The following KCNH8 variants were observed in gnomAD, a reference collection of about 807,000 sequenced individuals.
KCNH8 encodes the protein potassium voltage-gated channel subfamily H member 8, also known as voltage-gated delayed rectifier potassium channel KCNH8.
A neutral mutation model predicts 103.6 loss-of-function variants in KCNH8; 70 were observed. The observed-to-expected ratio is 0.68, with a 90% CI of 0.56 to 0.82. The LOEUF (loss-of-function observed/expected upper bound fraction) is 0.82. Among genes scored for constraint, KCNH8 ranks in the 40% least tolerant of loss-of-function variants. The probability of loss-of-function intolerance (pLI) is 0.00; values close to 1 mark genes in which losing one functional copy is unlikely to be tolerated. For synonymous variants in KCNH8, 498 were observed against 489.4 expected, an observed-to-expected ratio of 1.02 and a Z score of -0.23; for missense variants, 1,217 against 1,329.9, an observed-to-expected ratio of 0.92 and a Z score of 1.32.
At chr3:19,201,467 T>C (rs1177089764) in intron 1 of KCNH8, among the ~76,000 whole-genome samples, 1 of 152,008 alleles carries the variant, frequency 6.6e-6, no homozygotes. Context: ...GGATGCTGTA[T>C]GTCCGTTTTA....
At chr3:19,369,985 A>G (rs993611086) in intron 5 of KCNH8, among the ~76,000 whole-genome samples, 1 of 152,018 alleles carries the variant, frequency 6.6e-6, no homozygotes, top group Non-Finnish European at 1.5e-5. Context: ...TGTTTTAATA[A>G]AGTGTATGCC....
chr3:19,420,583 A>G (rs1233667290), intron 7 of KCNH8, among the ~76,000 whole-genome samples: 6 of 152,228 alleles, frequency 3.9e-5, no homozygotes, highest in Admixed American at 1.3e-4. Flanking sequence ...CTGAAATGGT[A>G]TATTTTGGAA....
intron 3 of KCNH8, among the ~76,000 whole-genome samples, chr3:19,297,065 T>C (rs895592697): frequency 6.6e-6 from 1 of 152,088 alleles, no homozygotes; most frequent in African/African-American, 2.4e-5. Context: ...TAGAGTACAG[T>C]ATGAGATAGA....
intron 11 of KCNH8, among the ~76,000 whole-genome samples, chr3:19,497,172 T>A (rs1240466381): frequency 6.6e-6 from 1 of 152,158 alleles, no homozygotes; most frequent in Non-Finnish European, 1.5e-5. Flanking sequence ...TAATGGTCTG[T>A]CGTATTAATT....
intron 1 of KCNH8, among the ~76,000 whole-genome samples, chr3:19,197,917 C>A (rs1362937077): frequency 6.6e-6 from 1 of 151,794 alleles, no homozygotes; most frequent in Non-Finnish European, 1.5e-5. Context: ...AAATCTGATG[C>A]GTAATCACTG....
intron 11 of KCNH8, among the ~76,000 whole-genome samples, chr3:19,477,045 TTATA>T (rs1052463324): frequency 2.6e-5 from 4 of 152,178 alleles, no homozygotes; most frequent in African/African-American, 9.6e-5. Context: ...GGCCATTTCT[TTATA>T]TAAAGTATTC....
intron 1 of KCNH8, among the ~76,000 whole-genome samples, chr3:19,221,743 A>G (rs908460697): frequency 6.6e-6 from 1 of 152,194 alleles, no homozygotes; most frequent in Non-Finnish European, 1.5e-5. Flanking sequence ...GGTTGTTATT[A>G]GTAATTTCAC....
chr3:19,234,370 G>C (rs1307871269), intron 1 of KCNH8, among the ~76,000 whole-genome samples: 1 of 152,232 alleles, frequency 6.6e-6, no homozygotes, highest in Non-Finnish European at 1.5e-5. Flanking sequence ...CCGCACAGGA[G>C]CCCACGGAGT....
intron 5 of KCNH8, among the ~76,000 whole-genome samples, chr3:19,371,774 G>A (rs1385294561): frequency 1.3e-5 from 2 of 151,136 alleles, no homozygotes; most frequent in East Asian, 3.9e-4. Flanking sequence ...AATCCATGTT[G>A]AATTGATTTT....
chr3:19,298,921 CAAAAAAA>C (rs56304109), intron 3 of KCNH8, among the ~76,000 whole-genome samples: 2 of 77,054 alleles, frequency 2.6e-5, no homozygotes, highest in African/African-American at 5.3e-5. Flanking sequence ...GACTCCGTCT[CAAAAAAA>C]AAAAAAAAAA....
intron 8 of KCNH8, among the ~76,000 whole-genome samples, chr3:19,439,105 T>A (rs1244987946): frequency 2.6e-5 from 4 of 152,184 alleles, no homozygotes; most frequent in Non-Finnish European, 5.9e-5. Context: ...GGTGGTTGAT[T>A]CAGCAAACAT....
chr3:19,385,420 T>C (rs2066343191), intron 5 of KCNH8, among the ~76,000 whole-genome samples: 1 of 152,134 alleles, frequency 6.6e-6, no homozygotes, highest in African/African-American at 2.4e-5. Flanking sequence ...TAATTGACCC[T>C]ACAGATACAA....
chr3:19,231,568 G>A (rs1300575736), intron 1 of KCNH8, among the ~76,000 whole-genome samples: 1 of 151,962 alleles, frequency 6.6e-6, no homozygotes, highest in East Asian at 1.9e-4. Flanking sequence ...TTCCAAAACT[G>A]CTGGCTTAGG....
chr3:19,512,406 GA>G (rs983152303), intron 12 of KCNH8, among the ~76,000 whole-genome samples: 4 of 152,138 alleles, frequency 2.6e-5, no homozygotes, highest in African/African-American at 9.7e-5. Flanking sequence ...CTAGTGACTG[GA>G]AAGAACAAGG....
chr3:19,494,858 G>C (rs899600599), intron 11 of KCNH8, among the ~76,000 whole-genome samples: 3 of 151,694 alleles, frequency 2.0e-5, no homozygotes, highest in African/African-American at 7.3e-5. Flanking sequence ...AACCTTGCTA[G>C]CATTTATTTT....
chr3:19,305,740 G>T (rs7432579), intron 3 of KCNH8, among the ~76,000 whole-genome samples: 2,725 of 152,042 alleles, frequency 0.018, 81 homozygotes, highest in African/African-American at 0.059. Context: ...ACAAAAACTT[G>T]TATAGAAAAC....
intron 3 of KCNH8, among the ~76,000 whole-genome samples, chr3:19,332,606 A>G (rs557269173): frequency 6.6e-6 from 1 of 152,040 alleles, no homozygotes; most frequent in Admixed American, 6.6e-5. Flanking sequence ...TTCCCAACCT[A>G]TTTTTTAGAT....
intron 5 of KCNH8, among the ~76,000 whole-genome samples, chr3:19,376,517 G>A (rs2066207926): frequency 6.6e-6 from 1 of 152,162 alleles, no homozygotes; most frequent in African/African-American, 2.4e-5. Flanking sequence ...CAAGTGAGAT[G>A]AACCCGGTAC....
At chr3:19,436,821 A>G (rs2067206546) in intron 7 of KCNH8, among the ~76,000 whole-genome samples, 1 of 152,186 alleles carries the variant, frequency 6.6e-6, no homozygotes, top group Non-Finnish European at 1.5e-5. Context: ...AAAGTAAATG[A>G]TATGCAAAGT....
Sources: allele counts gnomAD v4.1 joint callset (sites outside exome capture counted in the v4.1 genomes callset), GRCh38; gene constraint gnomAD v4.1.1; transcripts MANE v1.5; gene names NCBI Gene and HGNC (gene_info 2026-07-23, HGNC 2026-07-21).